Variants in AFAP1 observed in about 807,000 individuals in gnomAD.
The protein encoded by AFAP1 is actin filament-associated protein 1.
AFAP1 carries 75 observed loss-of-function variants against 93.9 expected under a neutral mutation model. That is an observed-to-expected ratio of 0.80 (90% CI 0.66 to 0.97). The LOEUF is 0.97. Ranked by LOEUF, AFAP1 falls within the 50% of genes least tolerant of loss-of-function variation. AFAP1 has a pLI of 0.00. For synonymous variants in AFAP1, 517 were observed against 430.7 expected (o/e 1.20, Z -2.48); for missense variants, 1,201 against 1,050.8 (o/e 1.14, Z -1.98).
At chr4:7,780,824 TG>T (rs1222935921) in intron 13 of AFAP1, among the ~76,000 whole-genome samples, 1 of 152,172 alleles carries the variant, frequency 6.6e-6, no homozygotes, top group Non-Finnish European at 1.5e-5. Flanking sequence ...AGACTTGTCA[TG>T]GAGAAACACC....
intron 1 of AFAP1, among the ~76,000 whole-genome samples, chr4:7,893,747 G>A (rs1026094537): frequency 1.3e-5 from 2 of 152,036 alleles, no homozygotes; most frequent in African/African-American, 4.8e-5. Flanking sequence ...TTCTGGGACG[G>A]GCCTGATATC....
intron 3 of AFAP1, among the ~76,000 whole-genome samples, chr4:7,860,653 G>T (rs796205899): frequency 2.6e-5 from 4 of 152,322 alleles, no homozygotes; most frequent in African/African-American, 9.6e-5. Context: ...AAGTCAGCCA[G>T]AGTGGGCACG....
chr4:7,789,756 C>T (rs1717689147), intron 11 of AFAP1, among the ~76,000 whole-genome samples: 1 of 152,094 alleles, frequency 6.6e-6, no homozygotes, highest in East Asian at 1.9e-4. Context: ...CTCACCACCC[C>T]ATCCGTGCAT....
At chr4:7,830,134 C>A (rs538556562) in intron 6 of AFAP1, among the ~76,000 whole-genome samples, 1 of 152,196 alleles carries the variant, frequency 6.6e-6, no homozygotes, top group East Asian at 1.9e-4. Flanking sequence ...CAAAATGCTG[C>A]ACCCTTTCTA....
chr4:7,827,590 A>AAAAAAAAAAG (rs1721544109), intron 6 of AFAP1, among the ~76,000 whole-genome samples: 2 of 142,382 alleles, frequency 1.4e-5, no homozygotes, highest in South Asian at 2.3e-4. Flanking sequence ...AAAAAAAAAA[A>AAAAAAAAAAG]GGGAGAGGAG....
chr4:7,789,549 C>A (rs1416255159), intron 11 of AFAP1, among the ~76,000 whole-genome samples: 3 of 120,490 alleles, frequency 2.5e-5, no homozygotes, highest in Non-Finnish European at 4.9e-5. Flanking sequence ...CCATCCTTTT[C>A]ATCATCACCA....
intron 1 of AFAP1, among the ~76,000 whole-genome samples, chr4:7,920,574 T>TC (rs1720383695): frequency 6.6e-6 from 1 of 152,166 alleles, no homozygotes; most frequent in South Asian, 2.1e-4. Context: ...TACACTTGCT[T>TC]CCCCAATCTT....
chr4:7,810,736 C>G (rs1448402316), intron 8 of AFAP1, among the ~76,000 whole-genome samples: 1 of 152,226 alleles, frequency 6.6e-6, no homozygotes, highest in Non-Finnish European at 1.5e-5. Context: ...CAACTCTGGA[C>G]CCGCATGTGG....
intron 1 of AFAP1, among the ~76,000 whole-genome samples, chr4:7,912,670 G>GAA (rs1719801991): frequency 1.3e-5 from 2 of 152,162 alleles, no homozygotes; most frequent in Non-Finnish European, 2.9e-5. Flanking sequence ...ATGTATTACA[G>GAA]ATGTAAGTCC....
intron 2 of AFAP1, among the ~76,000 whole-genome samples, chr4:7,870,125 T>C (rs1460084370): frequency 6.6e-6 from 1 of 152,214 alleles, no homozygotes; most frequent in African/African-American, 2.4e-5. Flanking sequence ...ATACTACCAT[T>C]AGCCCTTTTT....
intron 16 of AFAP1, among the ~76,000 whole-genome samples, chr4:7,771,143 G>C (rs989829849): frequency 6.6e-6 from 1 of 152,220 alleles, no homozygotes; most frequent in African/African-American, 2.4e-5. Flanking sequence ...TCCCTCATGA[G>C]AAGATAAGCT....
At chr4:7,822,884 C>T (rs1335588948) in intron 6 of AFAP1, among the ~76,000 whole-genome samples, 2 of 150,208 alleles carry the variant, frequency 1.3e-5, no homozygotes, top group African/African-American at 2.5e-5. Context: ...TGAGCCACTG[C>T]GCCCGGCCCC....
chr4:7,782,374 C>T (rs901773873), intron 12 of AFAP1, among the ~76,000 whole-genome samples: 1 of 152,254 alleles, frequency 6.6e-6, no homozygotes, highest in Non-Finnish European at 1.5e-5. Flanking sequence ...ACACAAACCC[C>T]CTCTGTCCCC....
intron 13 of AFAP1, chr4:7,779,175 C>T: frequency 2.9e-6 from 1 of 350,056 alleles, no homozygotes; most frequent in Non-Finnish European, 5.2e-6. Context: ...CTGGCGCAGG[C>T]AGCTGACTAC....
Position 7,763,536 on chromosome 4 carries a change from T to G in AFAP1, c.*229A>C. The G allele has an allele frequency of 1.8e-6, 1 of 560,552 alleles. No homozygotes were observed. Among genetic ancestry groups the G allele is most frequent in the Non-Finnish European group, 3.1e-6 (1 of 319,444 alleles). 34.7% of individuals were successfully genotyped at this position (560,552 alleles called of 1,614,324 possible). ...CACCTTTCCATCACTTTTTTTGTTT[T>G]TTAACAAAGTTGGGAACCAAAGTCT... is the stretch of plus-strand genomic sequence containing the variant. On this transcript the variant is annotated 3_prime_UTR_variant, in exon 18 of 18. Coordinates refer to ENST00000420658, the MANE Select transcript of AFAP1 (RefSeq NM_001134647.2).
At chr4:7,790,843 G>C (rs150697768) in intron 11 of AFAP1, among the ~76,000 whole-genome samples, 23 of 152,314 alleles carry the variant, frequency 1.5e-4, no homozygotes, top group Non-Finnish European at 2.9e-4. Context: ...GGTGAGAACA[G>C]TGTGCACTGT....
Position 7,763,633 on chromosome 4 carries a change from C to T in AFAP1, c.*132G>A, listed in dbSNP as rs1714117158. On this transcript the variant is annotated 3_prime_UTR_variant, in exon 18 of 18. Transcript: ENST00000420658. Reference sequence around the variant, plus strand: ...GGGCCTGGGGGACAGGCACTGGCCTCAGAGCTCAGTCGTGGAGCCTCTGGA... The same window carrying T: ...GGGCCTGGGGGACAGGCACTGGCCTTAGAGCTCAGTCGTGGAGCCTCTGGA... 1.5e-5 allele frequency: 16 copies of T among 1,065,290 alleles called. No homozygotes were observed. The allele number at this position is 1,065,290 out of a possible 1,614,324, so 66.0% of individuals were successfully genotyped here. A position where few individuals can be genotyped will look rare whatever the true frequency, so the allele number is the denominator to read the frequency against.
intron 7 of AFAP1, among the ~76,000 whole-genome samples, chr4:7,816,505 T>A (rs1448838571): frequency 6.6e-6 from 1 of 152,204 alleles, no homozygotes; most frequent in East Asian, 1.9e-4. Context: ...CATTCACCAA[T>A]AATTAATTGG....
At chr4:7,824,327 C>T (rs1388941395) in intron 6 of AFAP1, among the ~76,000 whole-genome samples, 1 of 152,190 alleles carries the variant, frequency 6.6e-6, no homozygotes, top group Non-Finnish European at 1.5e-5. Context: ...AATCTCTGCA[C>T]ATTTTTTAAG....
Sources: gnomAD v4.1 joint callset for allele counts (sites outside exome capture counted in the v4.1 genomes callset) on GRCh38, gnomAD v4.1.1 for gene constraint, MANE v1.5 for transcripts, NCBI Gene and HGNC (gene_info 2026-07-23, HGNC 2026-07-21) for gene names.